Variants in MAPRE2 observed in about 807,000 individuals in gnomAD.
MAPRE2 encodes the protein microtubule associated protein RP/EB family member 2.
MAPRE2 carries 13 observed loss-of-function variants against 43.2 expected under a neutral mutation model. The ratio of observed to expected loss-of-function variants is 0.30; its 90% CI spans 0.20 to 0.48. The LOEUF (loss-of-function observed/expected upper bound fraction) is 0.48, where lower values mean the gene tolerates loss of function less well. Among genes scored for constraint, MAPRE2 ranks in the 20% least tolerant of loss-of-function variants. MAPRE2 has a pLI of 0.99. For synonymous variants in MAPRE2, 135 were observed against 148.8 expected (o/e 0.91, Z 0.68); for missense variants, 161 against 400.2 (o/e 0.40, Z 5.10).
chr18:35,063,350 G>A (rs996223961), intron 1 of MAPRE2, among the ~76,000 whole-genome samples: 63 of 151,982 alleles, frequency 4.1e-4, no homozygotes, highest in Non-Finnish European at 7.1e-4. Context: ...CTCGTGATCC[G>A]CCCGCCTTGT....
chr18:35,062,281 A>G (rs1407361815), intron 1 of MAPRE2, among the ~76,000 whole-genome samples: 16 of 152,224 alleles, frequency 1.1e-4, no homozygotes, highest in Admixed American at 1.0e-3. Context: ...TAAGTATTTA[A>G]TCTGTGGGCA....
At chr18:35,087,418 C>CTATGCTTA (rs1231399637) in intron 2 of MAPRE2, among the ~76,000 whole-genome samples, 1 of 152,184 alleles carries the variant, frequency 6.6e-6, no homozygotes, top group East Asian at 1.9e-4. Context: ...ATGTGTTACC[C>CTATGCTTA]TATGCTTAGC....
At chr18:34,978,563 T>G in intron 1 of MAPRE2, 1 of 1,551,168 alleles carries the variant, frequency 6.4e-7, no homozygotes, top group Non-Finnish European at 8.7e-7. Context: ...AATGGCAACA[T>G]TTCCCCTGCT....
chr18:34,990,247 T>G (rs149228635), intron 1 of MAPRE2, among the ~76,000 whole-genome samples: 1 of 152,310 alleles, frequency 6.6e-6, no homozygotes, highest in East Asian at 1.9e-4. Context: ...AATGCTTCTC[T>G]GTGAATAACT....
chr18:35,076,057 A>G (rs182793835), intron 2 of MAPRE2, among the ~76,000 whole-genome samples: 1 of 152,322 alleles, frequency 6.6e-6, no homozygotes, highest in Admixed American at 6.5e-5. Context: ...GTGTGTATGC[A>G]TTCACTTTCA....
chr18:34,994,052 T>C (rs2097025197), intron 1 of MAPRE2, among the ~76,000 whole-genome samples: 1 of 150,390 alleles, frequency 6.6e-6, no homozygotes, highest in Non-Finnish European at 1.5e-5. Flanking sequence ...TAAATGTTTA[T>C]AGCACATCAT....
chr18:35,059,291 A>G (rs371178163), intron 1 of MAPRE2, among the ~76,000 whole-genome samples: 21 of 152,000 alleles, frequency 1.4e-4, no homozygotes, highest in African/African-American at 4.1e-4. Context: ...AGCTTTTGGT[A>G]TCTGTGTTCC....
chr18:35,106,237 C>T (rs1908898025), intron 4 of MAPRE2, among the ~76,000 whole-genome samples: 1 of 152,070 alleles, frequency 6.6e-6, no homozygotes. Context: ...TGGCTGGTAT[C>T]ATCAAAAACA....
chr18:35,017,862 T>C (rs1179958635), intron 2 of MAPRE2, among the ~76,000 whole-genome samples: 2 of 151,576 alleles, frequency 1.3e-5, no homozygotes, highest in East Asian at 3.9e-4. Flanking sequence ...AGTATTATGT[T>C]AAATAGGAGG....
chr18:35,041,279 T>G, upstream of MAPRE2: 2 of 1,356,328 alleles, frequency 1.5e-6, no homozygotes, highest in Non-Finnish European at 9.6e-7. Flanking sequence ...CCTGTGCGAA[T>G]TGAGGCGAGG....
intron 2 of MAPRE2, among the ~76,000 whole-genome samples, chr18:35,073,018 A>G (rs1332930001): frequency 1.3e-5 from 2 of 152,180 alleles, no homozygotes; most frequent in African/African-American, 2.4e-5. Context: ...GGTATAAACT[A>G]TAGACTCTAT....
intron 5 of MAPRE2, among the ~76,000 whole-genome samples, chr18:35,129,179 A>G (rs1039826281): frequency 6.6e-6 from 1 of 152,216 alleles, no homozygotes; most frequent in Non-Finnish European, 1.5e-5. Context: ...GAAGGAAGAC[A>G]CACCCTGAAT....
chr18:34,990,648 G>C (rs963377192), intron 1 of MAPRE2, among the ~76,000 whole-genome samples: 6 of 152,098 alleles, frequency 3.9e-5, no homozygotes, highest in African/African-American at 1.4e-4. Flanking sequence ...ATGCCCTAGG[G>C]AATTTTTTTA....
Position 35,068,887 on chromosome 18 carries a change from C to T in MAPRE2, c.123-1308C>T, listed in dbSNP as rs139646809. ...TGCAATTGTCATATACTGGCATAAC[C>T]TTTGGCAGCTGATGGGCTGTTCTAT... On this transcript the variant is annotated intron_variant, in intron 1 of 6. Transcript: ENST00000300249. Among the ~76,000 whole-genome samples the T allele has an allele frequency of 1.1e-3, 165 of 152,264 alleles. 2 individuals are homozygous for T. The highest frequency in any genetic ancestry group is 2.9e-3 in the African/African-American group (122 of 41,534).
At position 35,126,948 on chromosome 18, in the gene MAPRE2, G is replaced by T. The variant is rs141745175; in HGVS notation, c.611G>T (p.Gly204Val). The T allele has an allele frequency of 2.5e-6, 4 of 1,613,324 alleles. No homozygotes were observed. Among genetic ancestry groups the T allele is most frequent in the South Asian group, 1.1e-5 (1 of 90,968 alleles). The change falls in exon 5 of 7, where the codon GGT becomes GTT. Residue 204 changes from glycine (G) to valine (V), a missense_variant and splice_region_variant. Physicochemically the swap from Gly to Val is moderately radical, Grantham distance 109. Around this residue, in one of 2 missense-constraint regions of MAPRE2, gnomAD observed 96 missense variants for 153.3 expected, o/e 0.63. Transcript: ENST00000300249. ...KSHHANSPTA[G>V]AAKSSPAAKP... Reference sequence around the variant, plus strand: ...TATCATTTATTCTGATTGCTTTCAGGTGCAGCTAAATCAAGTCCAGCAGCT... The same window carrying T: ...TATCATTTATTCTGATTGCTTTCAGTTGCAGCTAAATCAAGTCCAGCAGCT...
At chr18:35,020,936 C>A (rs990345600) in intron 2 of MAPRE2, among the ~76,000 whole-genome samples, 2 of 152,136 alleles carry the variant, frequency 1.3e-5, no homozygotes, top group African/African-American at 4.8e-5. Flanking sequence ...CTGGATGGAA[C>A]TCAATACATA....
chr18:35,053,028 A>T (rs1906032792), intron 1 of MAPRE2, among the ~76,000 whole-genome samples: 1 of 135,962 alleles, frequency 7.4e-6, no homozygotes. Context: ...ACACAAAAAG[A>T]CCTAGTCTTT....
chr18:35,047,691 A>C (rs1168794657), intron 1 of MAPRE2, among the ~76,000 whole-genome samples: 1 of 151,102 alleles, frequency 6.6e-6, no homozygotes, highest in Non-Finnish European at 1.5e-5. Flanking sequence ...TAGGCCACCA[A>C]TAAATAATTT....
At chr18:35,010,049 C>T (rs766174676) in intron 2 of MAPRE2, among the ~76,000 whole-genome samples, 17 of 152,142 alleles carry the variant, frequency 1.1e-4, no homozygotes, top group Non-Finnish European at 2.1e-4. Flanking sequence ...TAAATTTTAC[C>T]CATCTCACAC....
Sources: gnomAD v4.1 joint callset for allele counts (sites outside exome capture counted in the v4.1 genomes callset) on GRCh38, gnomAD v4.1.1 for gene constraint, gnomAD v4.1.1 regional missense constraint, MANE v1.5 for transcripts, NCBI Gene and HGNC (gene_info 2026-07-23, HGNC 2026-07-21) for gene names.